PTPRK: variants seen among roughly 807,000 people sequenced by gnomAD.
PTPRK encodes the protein receptor-type tyrosine-protein phosphatase kappa.
PTPRK carries 75 observed loss-of-function variants against 178.0 expected under a neutral mutation model. That is an observed-to-expected ratio of 0.42 (90% CI 0.35 to 0.51). The LOEUF (loss-of-function observed/expected upper bound fraction) is 0.51, where lower values mean the gene tolerates loss of function less well. Ranked by LOEUF, PTPRK falls within the 20% of genes least tolerant of loss-of-function variation. The probability of loss-of-function intolerance (pLI) is 0.02; values close to 1 mark genes in which losing one functional copy is unlikely to be tolerated. For missense variants in PTPRK, 1,441 were observed against 1,797.8 expected (o/e 0.80, Z 3.59); for synonymous variants, 637 against 620.6 (o/e 1.03, Z -0.39).
chr6:128,227,397 A>G (rs987735209), intron 5 of PTPRK, among the ~76,000 whole-genome samples: 1 of 152,192 alleles, frequency 6.6e-6, no homozygotes, highest in Non-Finnish European at 1.5e-5. Flanking sequence ...CCTGCCACAT[A>G]AAAACAGACT....
At chr6:128,080,353 G>A (rs1023485894) in intron 10 of PTPRK, among the ~76,000 whole-genome samples, 1 of 151,956 alleles carries the variant, frequency 6.6e-6, no homozygotes, top group Non-Finnish European at 1.5e-5. Context: ...CTGATTATAA[G>A]ATACAAGATT....
intron 3 of PTPRK, chr6:128,321,717 A>C: frequency 1.5e-6 from 1 of 678,496 alleles, no homozygotes; most frequent in African/African-American, 1.8e-5. Context: ...ATCTGTCAAT[A>C]AGTAGCTCTT....
Position 128,038,839 on chromosome 6 carries a change from C to A in PTPRK, c.2194+25919G>T, listed in dbSNP as rs944046254. On this transcript the variant is annotated intron_variant, in intron 13 of 29. Transcript: ENST00000368226. ...TGCAACAATTTTACAACTGTCTCTT[C>A]ATTCTTCATGCAACAATTTTACAAC... Among the ~76,000 whole-genome samples, 3 of 152,028 alleles carry A rather than the reference C, an allele frequency of 2.0e-5. No individual in the cohort carries two copies. The East Asian group carries it at 5.8e-4, about 29-fold the overall frequency.
chr6:128,164,912 T>C (rs1420396199), intron 7 of PTPRK, among the ~76,000 whole-genome samples: 4 of 151,300 alleles, frequency 2.6e-5, no homozygotes, highest in East Asian at 3.9e-4. Flanking sequence ...TTCAAACACA[T>C]TTCAGAAAAT....
At chr6:128,354,397 G>A (rs938416200) in intron 2 of PTPRK, among the ~76,000 whole-genome samples, 5 of 151,430 alleles carry the variant, frequency 3.3e-5, no homozygotes, top group African/African-American at 7.3e-5. Flanking sequence ...ACCACCGCCC[G>A]GCTAATTTCT....
At position 128,185,457 on chromosome 6, in the gene PTPRK, CT is replaced by C. The variant is rs536714966; in HGVS notation, c.869-733del. Among the ~76,000 whole-genome samples the C allele has an allele frequency of 2.6e-5, 4 of 151,436 alleles. No individual in the cohort carries two copies. In the East Asian group the frequency reaches 5.8e-4, roughly 22 times the overall value. ...AAAAGTTGAATGATATATTAAGGCA[CT>C]TTTTTTTTCTTTCATTAGAACAATG... On this transcript the variant is annotated intron_variant, in intron 6 of 29. Transcript: ENST00000368226.
intron 3 of PTPRK, among the ~76,000 whole-genome samples, chr6:128,318,713 T>A (rs940647458): frequency 6.6e-6 from 1 of 152,172 alleles, no homozygotes; most frequent in Non-Finnish European, 1.5e-5. Flanking sequence ...ATGGATTTAA[T>A]CCCAAAGCAG....
chr6:128,268,064 C>T (rs576203937), intron 3 of PTPRK, among the ~76,000 whole-genome samples: 14 of 151,848 alleles, frequency 9.2e-5, no homozygotes, highest in Non-Finnish European at 1.8e-4. Flanking sequence ...TATTCTTCTC[C>T]CAGACTAACA....
chr6:128,348,837 C>T (rs914559129), intron 2 of PTPRK, among the ~76,000 whole-genome samples: 3 of 151,952 alleles, frequency 2.0e-5, no homozygotes, highest in African/African-American at 7.2e-5. Context: ...CTGTTGAACA[C>T]TGATAAGAAA....
chr6:128,414,013 C>G (rs1036034620), intron 1 of PTPRK, among the ~76,000 whole-genome samples: 2 of 151,988 alleles, frequency 1.3e-5, no homozygotes, highest in African/African-American at 2.4e-5. Flanking sequence ...GCTCATGGGT[C>G]ACAACTGGGA....
intron 27 of PTPRK, among the ~76,000 whole-genome samples, 180 bp downstream of exon 27, chr6:127,976,477 G>GA (rs1774607070): frequency 6.6e-6 from 1 of 152,146 alleles, no homozygotes; most frequent in African/African-American, 2.4e-5. Context: ...CTAGCTTCCA[G>GA]CATTTCTGTT....
At chr6:128,119,271 T>G (rs1220975073) in intron 7 of PTPRK, among the ~76,000 whole-genome samples, 2 of 149,042 alleles carry the variant, frequency 1.3e-5, no homozygotes, top group Admixed American at 1.3e-4. Context: ...TGTTTTTTGG[T>G]TTTTTTTTTA....
chr6:127,980,168 T>G (rs1434114583), intron 25 of PTPRK, among the ~76,000 whole-genome samples: 3 of 152,100 alleles, frequency 2.0e-5, no homozygotes, highest in South Asian at 4.1e-4. Flanking sequence ...AAATTAGCCG[T>G]GCATGGTGGT....
At chr6:128,434,305 G>A (rs1845229731) in intron 1 of PTPRK, among the ~76,000 whole-genome samples, 1 of 152,152 alleles carries the variant, frequency 6.6e-6, no homozygotes, top group South Asian at 2.1e-4. Flanking sequence ...GCCATAGACA[G>A]ACAAGAAGGC....
intron 3 of PTPRK, among the ~76,000 whole-genome samples, chr6:128,303,610 C>T (rs1443125418): frequency 1.3e-5 from 2 of 152,148 alleles, no homozygotes; most frequent in Admixed American, 1.3e-4. Context: ...ATCATACATT[C>T]TCTAAGTAGA....
At chr6:128,108,155 CTTT>C (rs1453217570) in intron 7 of PTPRK, among the ~76,000 whole-genome samples, 2 of 151,352 alleles carry the variant, frequency 1.3e-5, no homozygotes, top group African/African-American at 2.4e-5. Flanking sequence ...AAAGCACATT[CTTT>C]AAGTGCCAAC....
At chr6:128,087,694 C>T (rs2115017767) in intron 8 of PTPRK, among the ~76,000 whole-genome samples, 1 of 152,046 alleles carries the variant, frequency 6.6e-6, no homozygotes, top group Admixed American at 6.5e-5. Context: ...GTTTGGTTAC[C>T]TCAAACATGA....
intron 7 of PTPRK, among the ~76,000 whole-genome samples, chr6:128,128,656 G>A (rs1199608802): frequency 6.6e-6 from 1 of 152,124 alleles, no homozygotes; most frequent in African/African-American, 2.4e-5. Flanking sequence ...AAGAGTTAAG[G>A]TAGAAATCAC....
intron 13 of PTPRK, among the ~76,000 whole-genome samples, chr6:128,022,515 A>G (rs1000241873): frequency 6.6e-6 from 1 of 152,170 alleles, no homozygotes; most frequent in African/African-American, 2.4e-5. Context: ...ATATTCCATG[A>G]GAGTTTTGAA....
Sources: allele counts gnomAD v4.1 joint callset (sites outside exome capture counted in the v4.1 genomes callset), GRCh38; gene constraint gnomAD v4.1.1; transcripts MANE v1.5; gene names NCBI Gene and HGNC (gene_info 2026-07-23, HGNC 2026-07-21).